Variants in YBEY observed in about 807,000 individuals in gnomAD.
The protein encoded by YBEY is ybeY metalloendoribonuclease, also known as endoribonuclease YbeY.
In YBEY, 15 loss-of-function variants were observed where a neutral mutation model predicts 13.5. That is an observed-to-expected ratio of 1.11 (90% confidence interval 0.75 to 1.72). The LOEUF is 1.72. Ranked by LOEUF, YBEY falls within the 40% of genes most tolerant of loss-of-function variation. YBEY has a pLI of 0.00. For missense variants in YBEY, 244 were observed against 208.4 expected (o/e 1.17, Z -1.05); for synonymous variants, 101 against 83.1 (o/e 1.21, Z -1.17).
downstream of YBEY, chr21:46,301,992 C>A (rs1446619062): frequency 6.6e-7 from 1 of 1,522,716 alleles, no homozygotes; most frequent in Non-Finnish European, 8.8e-7. Context: ...GTCTCTGTGA[C>A]TCACACTCAG....
chr21:46,308,983 A>G, the YBEY span, among the ~76,000 whole-genome samples: 1 of 152,152 alleles, frequency 6.6e-6, no homozygotes, highest in African/African-American at 2.4e-5. Context: ...TGCACTCCCC[A>G]GTCTCTATAA....
At chr21:46,298,433 G>GTTTTTTTTTTTTTTTTTTT (rs1569107101), downstream of YBEY, among the ~76,000 whole-genome samples, 10 of 67,236 alleles carry the variant, frequency 1.5e-4, 1 homozygote, top group South Asian at 5.3e-4. Flanking sequence ...TTTAATCCAA[G>GTTTTTTTTTTTTTTTTTTT]CTTTTTTTTT....
At chr21:46,302,195 T>C, downstream of YBEY, 1 of 1,437,326 alleles carries the variant, frequency 7.0e-7, no homozygotes, top group South Asian at 1.5e-5. Context: ...CAGCCCAGGC[T>C]GCTCCCCACC....
At chr21:46,297,770 T>A (rs1192273608), downstream of YBEY, 5 of 1,239,938 alleles carry the variant, frequency 4.0e-6, no homozygotes, top group Non-Finnish European at 5.1e-6. Context: ...CGGGTATTTT[T>A]CGTTATTGTA....
chr21:46,306,612 G>T, the YBEY span, among the ~76,000 whole-genome samples: 1 of 152,146 alleles, frequency 6.6e-6, no homozygotes, highest in Non-Finnish European at 1.5e-5. Flanking sequence ...TTTAGAGACA[G>T]GGTTTCACTC....
intron 3 of YBEY, among the ~76,000 whole-genome samples, chr21:46,292,503 A>G (rs1259832612): frequency 6.6e-6 from 1 of 151,928 alleles, no homozygotes; most frequent in Non-Finnish European, 1.5e-5. Context: ...TCTAGATTAA[A>G]TTCCTCCCGT....
the YBEY span, among the ~76,000 whole-genome samples, chr21:46,306,124 C>T: frequency 6.6e-6 from 1 of 150,856 alleles, no homozygotes; most frequent in Non-Finnish European, 1.5e-5. Flanking sequence ...ATTATCTGGG[C>T]AAGCCCAGTG....
At chr21:46,295,735 G>C (rs1048060489) in intron 3 of YBEY, among the ~76,000 whole-genome samples, 1 of 152,188 alleles carries the variant, frequency 6.6e-6, no homozygotes, top group African/African-American at 2.4e-5. Flanking sequence ...CCTGACTGGG[G>C]GTTGGACCTG....
chr21:46,303,677 TAC>T, the YBEY span, among the ~76,000 whole-genome samples: 3,826 of 32,770 alleles, frequency 0.12, 496 homozygotes, highest in East Asian at 0.33. Flanking sequence ...ACCTCATCTC[TAC>T]ACACACACAC....
At chr21:46,297,851 G>C (rs1422835402), downstream of YBEY, 1 of 1,102,124 alleles carries the variant, frequency 9.1e-7, no homozygotes, top group Non-Finnish European at 1.1e-6. Flanking sequence ...CCCCGCCCGG[G>C]AGCACCGCGC....
Position 46,286,860 on chromosome 21 carries a change from T to G in YBEY, c.-44-10T>G. 1 of 1,576,768 alleles carries G rather than the reference T, an allele frequency of 6.3e-7. No homozygotes were observed. Among genetic ancestry groups the G allele is most frequent in the Non-Finnish European group, 8.7e-7 (1 of 1,149,142 alleles). On this transcript the variant is annotated splice_polypyrimidine_tract_variant and intron_variant, in intron 1 of 4. Transcript: ENST00000397701. ...GTACTGATTGGTCTTCTCTTACACT[T>G]TAACCCCAGGTTCCGTTGCAAACAT...
chr21:46,304,626 T>C, the YBEY span, among the ~76,000 whole-genome samples: 4 of 152,268 alleles, frequency 2.6e-5, no homozygotes, highest in African/African-American at 9.6e-5. Flanking sequence ...ATGCCAAGTG[T>C]TGGTGAAGTG....
At chr21:46,289,442 TTTTG>T (rs949114643) in intron 2 of YBEY, among the ~76,000 whole-genome samples, 3 of 67,500 alleles carry the variant, frequency 4.4e-5, no homozygotes, top group Non-Finnish European at 7.1e-5. Flanking sequence ...AAGGCAAGGG[TTTTG>T]TTTTTTTTTT....
downstream of YBEY, among the ~76,000 whole-genome samples, chr21:46,299,060 T>C (rs2082044905): frequency 6.7e-6 from 1 of 149,090 alleles, no homozygotes; most frequent in Non-Finnish European, 1.5e-5. Context: ...TTTTTTTTTT[T>C]TTTTGGAGTG....
intron 2 of YBEY, among the ~76,000 whole-genome samples, chr21:46,288,696 AG>A (rs1377961418): frequency 1.5e-4 from 23 of 151,224 alleles, no homozygotes; most frequent in African/African-American, 5.3e-4. Context: ...AAAAAAAAAA[AG>A]AAGAAAAGAA....
Position 46,296,225 on chromosome 21 carries a change from C to T in YBEY, c.403C>T (p.Gln135Ter). Residue 135 changes from glutamine to a stop codon, truncating the protein, a stop_gained, in exon 4 of 5, where the codon CAG (glutamine) becomes TAG (stop). Coordinates refer to ENST00000397701, the MANE Select transcript of YBEY (RefSeq NM_001314025.2). LOFTEE classifies it low-confidence loss of function (END_TRUNC). ...CACACACGGCACGGAGGCAGAGTGGCAGCAGGTAAGGAGCCCATCCATCCC... is the reference window on the plus strand; with the variant it reads ...CACACACGGCACGGAGGCAGAGTGGTAGCAGGTAAGGAGCCCATCCATCCC... ...GFTHGTEAEW[Q>*]QMFQKEKAVL... 1 of 1,613,620 alleles carries T rather than the reference C, an allele frequency of 6.2e-7. No homozygotes were observed.
intron 2 of YBEY, among the ~76,000 whole-genome samples, chr21:46,287,849 G>T (rs1407022157): frequency 6.6e-6 from 1 of 151,998 alleles, no homozygotes; most frequent in Non-Finnish European, 1.5e-5. Flanking sequence ...AGAATTAGCT[G>T]GGTGTGGTTG....
chr21:46,303,734 TATA>T, the YBEY span, among the ~76,000 whole-genome samples: 51 of 25,788 alleles, frequency 2.0e-3, no homozygotes, highest in Non-Finnish European at 3.7e-3. Context: ...TATATATATA[TATA>T]TATATATATT....
At chr21:46,293,421 CG>C (rs2081823064) in intron 3 of YBEY, among the ~76,000 whole-genome samples, 1 of 38,736 alleles carries the variant, frequency 2.6e-5, no homozygotes. Context: ...GACCCGTGCC[CG>C]GGACTCAGTG....
Sources: allele counts gnomAD v4.1 joint callset (sites outside exome capture counted in the v4.1 genomes callset), GRCh38; gene constraint gnomAD v4.1.1; transcripts MANE v1.5; gene names NCBI Gene and HGNC (gene_info 2026-07-23, HGNC 2026-07-21).